Variants in RPH3A observed in about 807,000 individuals in gnomAD.
The protein encoded by RPH3A is rabphilin-3A.
In RPH3A, 48 loss-of-function variants were observed where a neutral mutation model predicts 102.2. The ratio of observed to expected loss-of-function variants is 0.47; its 90% CI spans 0.37 to 0.60. RPH3A has a LOEUF of 0.60. RPH3A is among the 20% of genes least tolerant of loss of function. RPH3A has a pLI of 0.00. For synonymous variants in RPH3A, 310 were observed against 324.3 expected (o/e 0.96, Z 0.47); for missense variants, 781 against 910.1 (o/e 0.86, Z 1.83).
At chr12:112,684,025 A>G (rs996822837) in intron 1 of RPH3A, among the ~76,000 whole-genome samples, 22 of 152,320 alleles carry the variant, frequency 1.4e-4, no homozygotes, top group African/African-American at 5.1e-4. Flanking sequence ...TTATATATGT[A>G]TCTATCTCTA....
rs926924647 is a variant in RPH3A, at chr12:112,897,842, A to G, written c.*1062A>G. The G allele has an allele frequency of 2.0e-4, 30 of 151,324 alleles. No homozygotes were observed. The highest frequency in any genetic ancestry group is 6.8e-4 in the African/African-American group (28 of 41,056). The allele number at this position is 151,324 out of a possible 1,614,324, so 9.4% of individuals were successfully genotyped here. Reference sequence around the variant, plus strand: ...ATCCCTCAAGCTGTGTAGATGCCCCATAGAGGACTCTCTCATCCGTGGGCT... The same window carrying G: ...ATCCCTCAAGCTGTGTAGATGCCCCGTAGAGGACTCTCTCATCCGTGGGCT... On this transcript the variant is annotated 3_prime_UTR_variant, in exon 22 of 22. Transcript: ENST00000389385.
intron 1 of RPH3A, among the ~76,000 whole-genome samples, chr12:112,621,741 C>T (rs1320091644): frequency 6.6e-6 from 1 of 152,116 alleles, no homozygotes; most frequent in Non-Finnish European, 1.5e-5. Flanking sequence ...CTGTAGGCTT[C>T]ACCTCTGGGG....
intron 1 of RPH3A, among the ~76,000 whole-genome samples, chr12:112,614,371 T>C (rs2039661046): frequency 6.6e-6 from 1 of 151,980 alleles, no homozygotes; most frequent in Non-Finnish European, 1.5e-5. Flanking sequence ...ATAGTGGAGA[T>C]AAAAGTTGAT....
intron 1 of RPH3A, among the ~76,000 whole-genome samples, chr12:112,774,598 C>T (rs1018946766): frequency 6.6e-6 from 1 of 152,154 alleles, no homozygotes; most frequent in Admixed American, 6.6e-5. Flanking sequence ...TTGTTGGCAG[C>T]CTTAAAAAGG....
intron 1 of RPH3A, among the ~76,000 whole-genome samples, chr12:112,656,614 T>C (rs184845525): frequency 2.2e-4 from 33 of 152,280 alleles, no homozygotes; most frequent in Admixed American, 3.9e-4. Context: ...ATTATTCCCC[T>C]CTATATGTCC....
At chr12:112,882,782 C>A (rs1056179120) in intron 15 of RPH3A, among the ~76,000 whole-genome samples, 2 of 152,202 alleles carry the variant, frequency 1.3e-5, no homozygotes, top group African/African-American at 4.8e-5. Context: ...TAATGTGAAT[C>A]ATTTGCATGT....
chr12:112,596,059 G>A (rs532096643), intron 1 of RPH3A, among the ~76,000 whole-genome samples: 11 of 152,314 alleles, frequency 7.2e-5, no homozygotes, highest in African/African-American at 2.6e-4. Flanking sequence ...GGTATGTGTG[G>A]ACGAAGGGTG....
intron 21 of RPH3A, 148 bp from the exon 22 acceptor site, chr12:112,896,502 C>T (rs1056467595): frequency 2.2e-5 from 19 of 855,624 alleles, no homozygotes; most frequent in Admixed American, 1.4e-4. Context: ...ACAACAACAG[C>T]AGCAACGTTA....
intron 1 of RPH3A, among the ~76,000 whole-genome samples, chr12:112,712,787 T>C (rs2040471842): frequency 6.6e-6 from 1 of 151,902 alleles, no homozygotes; most frequent in Non-Finnish European, 1.5e-5. Flanking sequence ...TCATGGCTCA[T>C]GGCAGCCTCA....
Position 112,897,207 on chromosome 12 carries a change from T to C in RPH3A, c.*427T>C, listed in dbSNP as rs1271573561. ...ATTCCCTGTGTTGTGTCTCTGTATA[T>C]CCCCAGTTGTCAGCAGACCCGGACA... On this transcript the variant is annotated 3_prime_UTR_variant, in exon 22 of 22. Transcript: ENST00000389385. 5.9e-6 allele frequency: 1 copy of C among 169,302 alleles called. No homozygotes were observed. Among genetic ancestry groups the C allele is most frequent in the Admixed American group, 5.6e-5 (1 of 17,810 alleles). 10.5% of individuals were successfully genotyped at this position (169,302 alleles called of 1,614,324 possible).
At chr12:112,596,603 T>C (rs995905717) in intron 1 of RPH3A, among the ~76,000 whole-genome samples, 2 of 152,252 alleles carry the variant, frequency 1.3e-5, no homozygotes, top group South Asian at 4.1e-4. Flanking sequence ...ATTTTGTTAA[T>C]AGCGCCATAT....
intron 5 of RPH3A, among the ~76,000 whole-genome samples, chr12:112,860,906 A>G (rs571443147): frequency 6.6e-6 from 1 of 152,352 alleles, no homozygotes; most frequent in African/African-American, 2.4e-5. Flanking sequence ...CGCCTCCATG[A>G]GCCCACTTCG....
rs1234998482 is a variant in RPH3A at position 112,824,453 on chromosome 12, A to G, written c.-18-3848A>G. Reference sequence around the variant, plus strand: ...TGCACCAGCTGTAGGGGGGATCCAGATGAGGAATCAACAGTGACTATTAGG... The same window carrying G: ...TGCACCAGCTGTAGGGGGGATCCAGGTGAGGAATCAACAGTGACTATTAGG... On this transcript the variant is annotated intron_variant, in intron 2 of 21. Coordinates refer to ENST00000389385, the MANE Select transcript of RPH3A (RefSeq NM_001143854.2). Among the ~76,000 whole-genome samples the G allele has an allele frequency of 2.0e-5, 3 of 152,066 alleles. No individual in the cohort carries two copies. In the East Asian group the frequency reaches 5.8e-4, roughly 29 times the overall value.
intron 19 of RPH3A, 119 bp downstream of exon 19, chr12:112,891,122 C>T: frequency 8.5e-7 from 1 of 1,179,616 alleles, no homozygotes; most frequent in Non-Finnish European, 1.2e-6. Context: ...GGGCAAGGAA[C>T]CTGCCCAAGG....
chr12:112,873,275 T>A lies in RPH3A; in HGVS notation c.797-1809T>A, dbSNP rs543838395. On this transcript the variant is annotated intron_variant, in intron 10 of 21. Transcript: ENST00000389385. ...TACTATTGTAGTCATCTTCACATAA[T>A]AGATGCAGCAAAGAGAGGCTAAAAC... Among the ~76,000 whole-genome samples, 9 of 152,344 alleles carry A rather than the reference T, an allele frequency of 5.9e-5. No homozygotes were observed. In the South Asian group the frequency reaches 1.9e-3, roughly 32 times the overall value.
chr12:112,677,814 A>G (rs1384780657), intron 1 of RPH3A, among the ~76,000 whole-genome samples: 1 of 151,946 alleles, frequency 6.6e-6, no homozygotes, highest in Non-Finnish European at 1.5e-5. Flanking sequence ...AATTCAGCAA[A>G]CTCTAGAATG....
chr12:112,856,436 T>A (rs1329609300), intron 5 of RPH3A, among the ~76,000 whole-genome samples: 1 of 152,114 alleles, frequency 6.6e-6, no homozygotes, highest in African/African-American at 2.4e-5. Flanking sequence ...TGTACAGACA[T>A]GCATGTAAAA....
rs2043191045 is a variant in RPH3A, at chr12:112,897,070, A to G, written c.*290A>G. On this transcript the variant is annotated 3_prime_UTR_variant, in exon 22 of 22. Coordinates refer to ENST00000389385, the MANE Select transcript of RPH3A (RefSeq NM_001143854.2). ...GAGGTTGATCATTTAATAACCTCTCAGTTTGGGTAAATTACAAAGGTTCTT... is the reference window on the plus strand; with the variant it reads ...GAGGTTGATCATTTAATAACCTCTCGGTTTGGGTAAATTACAAAGGTTCTT... 2.9e-6 allele frequency: 1 copy of G among 346,350 alleles called. No homozygotes were observed. The highest frequency in any genetic ancestry group is 3.8e-5 in the Admixed American group (1 of 26,064). The allele number at this position is 346,350 out of a possible 1,614,324, so 21.5% of individuals were successfully genotyped here. A position where few individuals can be genotyped will look rare whatever the true frequency, so the allele number is the denominator to read the frequency against.
intron 5 of RPH3A, among the ~76,000 whole-genome samples, chr12:112,855,496 C>A (rs1181490173): frequency 6.6e-6 from 1 of 152,186 alleles, no homozygotes; most frequent in Non-Finnish European, 1.5e-5. Context: ...ACCTCCTTCC[C>A]CAAAGTGCTG....
Sources: allele counts gnomAD v4.1 joint callset (sites outside exome capture counted in the v4.1 genomes callset), GRCh38; gene constraint gnomAD v4.1.1; transcripts MANE v1.5; gene names NCBI Gene and HGNC (gene_info 2026-07-23, HGNC 2026-07-21).